Variants in KCNIP4 observed in about 807,000 individuals in gnomAD.
KCNIP4 encodes the protein Kv channel-interacting protein 4.
A neutral mutation model predicts 34.0 loss-of-function variants in KCNIP4; 12 were observed. That is an observed-to-expected ratio of 0.35 (90% CI 0.23 to 0.57). The LOEUF is 0.57. Ranked by LOEUF, KCNIP4 falls within the 20% of genes least tolerant of loss-of-function variation. The pLI is 0.83. For missense variants in KCNIP4, 238 were observed against 311.7 expected (o/e 0.76, Z 1.78); for synonymous variants, 124 against 102.2 (o/e 1.21, Z -1.29).
Position 21,048,944 on chromosome 4 carries a change from C to CTTTTTTT in KCNIP4, c.62-166242_62-166236dup, listed in dbSNP as rs949548104. 1.6e-4 allele frequency among the ~76,000 whole-genome samples: 15 copies of CTTTTTTT among 96,042 alleles called. 1 individual carries two copies. Among genetic ancestry groups the CTTTTTTT allele is most frequent in the African/African-American group, 2.1e-4 (5 of 23,772 alleles). 63.0% of individuals were successfully genotyped at this position (96,042 alleles called of 152,430 possible). ...AGCTCTTTCAGTACCTTCTGTTTAT[C>CTTTTTTT]TTTTTTTTTTTTTTTTTTTTTTTTG... On this transcript the variant is annotated intron_variant, in intron 1 of 8. Coordinates refer to ENST00000382152, the MANE Select transcript of KCNIP4 (RefSeq NM_025221.6).
intron 1 of KCNIP4, among the ~76,000 whole-genome samples, chr4:21,016,497 G>A (rs571015688): frequency 2.6e-5 from 4 of 152,022 alleles, no homozygotes; most frequent in East Asian, 1.9e-4. Flanking sequence ...GGGTTTCACC[G>A]TGTTAGCCTG....
intron 1 of KCNIP4, among the ~76,000 whole-genome samples, chr4:21,281,440 A>C (rs1364914824): frequency 1.3e-5 from 2 of 152,194 alleles, no homozygotes; most frequent in African/African-American, 2.4e-5. Flanking sequence ...ATAGACAGAT[A>C]CATAGGTGAC....
chr4:20,980,430 C>T (rs1305263330), intron 1 of KCNIP4, among the ~76,000 whole-genome samples: 1 of 152,234 alleles, frequency 6.6e-6, no homozygotes, highest in South Asian at 2.1e-4. Context: ...TTGTTTTGAT[C>T]TTCTTTACAA....
At chr4:21,608,016 G>T (rs565757901) in intron 1 of KCNIP4, among the ~76,000 whole-genome samples, 1 of 152,186 alleles carries the variant, frequency 6.6e-6, no homozygotes, top group Non-Finnish European at 1.5e-5. Context: ...ATTCAGGCCC[G>T]GATGCTAAGG....
chr4:20,843,209 G>A (rs991178471), intron 3 of KCNIP4, among the ~76,000 whole-genome samples: 17 of 151,976 alleles, frequency 1.1e-4, no homozygotes, highest in African/African-American at 3.6e-4. Context: ...TGCCCAGCCT[G>A]GATTTCTAAG....
chr4:21,596,298 T>A (rs568821429), intron 1 of KCNIP4, among the ~76,000 whole-genome samples: 4 of 152,298 alleles, frequency 2.6e-5, no homozygotes, highest in African/African-American at 9.6e-5. Flanking sequence ...CAGTACACCA[T>A]AATTGGGCTT....
At chr4:21,259,717 A>T (rs1475913450) in intron 1 of KCNIP4, among the ~76,000 whole-genome samples, 1 of 152,192 alleles carries the variant, frequency 6.6e-6, no homozygotes, top group African/African-American at 2.4e-5. Flanking sequence ...GTAAACAAAT[A>T]AGGCATTCAG....
chr4:21,401,836 A>G (rs1048486013), intron 1 of KCNIP4, among the ~76,000 whole-genome samples: 22 of 152,206 alleles, frequency 1.4e-4, no homozygotes, highest in Non-Finnish European at 2.9e-4. Flanking sequence ...GGTTCTAGGC[A>G]AGCATGAGGA....
intron 1 of KCNIP4, among the ~76,000 whole-genome samples, chr4:21,863,383 C>T (rs1181129928): frequency 6.6e-6 from 1 of 151,908 alleles, no homozygotes; most frequent in African/African-American, 2.4e-5. Flanking sequence ...GCTTCCTGGC[C>T]TGTGGGAGTG....
At chr4:20,886,907 T>C (rs1293605323) in intron 1 of KCNIP4, among the ~76,000 whole-genome samples, 2 of 152,060 alleles carry the variant, frequency 1.3e-5, no homozygotes, top group Non-Finnish European at 2.9e-5. Context: ...AAAAAATTAC[T>C]AGACATGTGA....
intron 1 of KCNIP4, among the ~76,000 whole-genome samples, chr4:21,422,472 T>A (rs1322803175): frequency 7.2e-5 from 11 of 152,056 alleles, no homozygotes; most frequent in Admixed American, 1.3e-4. Context: ...AGTGCTCAGA[T>A]TACGGGCGTG....
At chr4:20,775,492 G>A (rs1414218765) in intron 3 of KCNIP4, among the ~76,000 whole-genome samples, 4 of 149,064 alleles carry the variant, frequency 2.7e-5, no homozygotes, top group African/African-American at 7.4e-5. Context: ...CTTGAGGCCA[G>A]GAGTCCAAGG....
intron 1 of KCNIP4, among the ~76,000 whole-genome samples, chr4:20,998,184 G>C (rs1737740815): frequency 6.6e-6 from 1 of 152,202 alleles, no homozygotes; most frequent in South Asian, 2.1e-4. Context: ...AACAGTGCCA[G>C]AGCAGGATTA....
intron 1 of KCNIP4, among the ~76,000 whole-genome samples, chr4:20,913,953 C>T (rs1340838480): frequency 5.9e-5 from 9 of 152,006 alleles, no homozygotes; most frequent in African/African-American, 2.2e-4. Flanking sequence ...GTCAGGAGTT[C>T]AAGACCAGCC....
At chr4:21,380,458 G>GGAGAGAGAGAGA (rs1222316977) in intron 1 of KCNIP4, among the ~76,000 whole-genome samples, 1 of 88,628 alleles carries the variant, frequency 1.1e-5, no homozygotes, top group Admixed American at 1.1e-4. Context: ...AGGGAGAGGG[G>GGAGAGAGAGAGA]GAGAGAGAGA....
chr4:21,346,198 TATATATATA>T (rs1444384750), intron 1 of KCNIP4, among the ~76,000 whole-genome samples: 1 of 3,340 alleles, frequency 3.0e-4, no homozygotes, highest in African/African-American at 4.5e-4. Context: ...TATATAGAAT[TATATATATA>T]ATATATATTA....
chr4:21,046,883 G>A (rs971902178), intron 1 of KCNIP4, among the ~76,000 whole-genome samples: 5 of 152,156 alleles, frequency 3.3e-5, no homozygotes, highest in Non-Finnish European at 5.9e-5. Flanking sequence ...GTCAGCCACC[G>A]CGCCTGGTCA....
intron 1 of KCNIP4, among the ~76,000 whole-genome samples, chr4:21,041,608 C>T (rs956362316): frequency 6.6e-6 from 1 of 152,150 alleles, no homozygotes; most frequent in African/African-American, 2.4e-5. Context: ...TTTCTTTGTT[C>T]TGTTTGTTGC....
At chr4:21,218,634 A>G (rs1294385522) in intron 1 of KCNIP4, among the ~76,000 whole-genome samples, 1 of 152,168 alleles carries the variant, frequency 6.6e-6, no homozygotes, top group Non-Finnish European at 1.5e-5. Context: ...TCTATGCACT[A>G]TCTGCTCAGA....
Sources: gnomAD v4.1 joint callset for allele counts (sites outside exome capture counted in the v4.1 genomes callset) on GRCh38, gnomAD v4.1.1 for gene constraint, MANE v1.5 for transcripts, NCBI Gene and HGNC (gene_info 2026-07-23, HGNC 2026-07-21) for gene names.